Variants in AGBL1 observed in about 807,000 individuals in gnomAD.
The protein encoded by AGBL1 is AGBL carboxypeptidase 1.
Under a neutral mutation model 118.9 loss-of-function variants are expected in AGBL1, and 130 were observed. The observed-to-expected ratio is 1.09, with a 90% CI of 0.95 to 1.26. The LOEUF (loss-of-function observed/expected upper bound fraction) is 1.26, where lower values mean the gene tolerates loss of function less well. Ranked by LOEUF, AGBL1 falls within the 50% of genes most tolerant of loss-of-function variation. The pLI, the probability that AGBL1 is intolerant of heterozygous loss-of-function variation, is 0.00. For missense variants in AGBL1, 1,584 were observed against 1,298.1 expected (o/e 1.22, Z -3.38); for synonymous variants, 555 against 478.9 (o/e 1.16, Z -2.08).
At chr15:87,026,206 A>G (rs1047444355) in intron 24 of AGBL1, among the ~76,000 whole-genome samples, 15 of 152,108 alleles carry the variant, frequency 9.9e-5, no homozygotes, top group African/African-American at 3.6e-4. Flanking sequence ...AACAGTTAGC[A>G]GAGTAAACAG....
chr15:86,753,879 T>G (rs11636760), intron 22 of AGBL1, among the ~76,000 whole-genome samples: 120,249 of 152,006 alleles, frequency 0.79, 47,735 homozygotes, highest in Non-Finnish European at 0.82. Context: ...CCAGTGTCTT[T>G]TCAGGTTCCA....
chr15:86,598,796 A>G (rs2084447612), intron 21 of AGBL1, among the ~76,000 whole-genome samples: 1 of 152,164 alleles, frequency 6.6e-6, no homozygotes, highest in African/African-American at 2.4e-5. Context: ...TTAAATATAG[A>G]AATGCAACTT....
intron 22 of AGBL1, among the ~76,000 whole-genome samples, chr15:86,757,726 C>T (rs1450675152): frequency 6.6e-6 from 1 of 152,042 alleles, no homozygotes; most frequent in Non-Finnish European, 1.5e-5. Flanking sequence ...CTAGGAATTT[C>T]CTTTCTTTCC....
chr15:86,549,883 G>C (rs1231664081), intron 20 of AGBL1, among the ~76,000 whole-genome samples: 3 of 140,864 alleles, frequency 2.1e-5, no homozygotes, highest in Non-Finnish European at 3.1e-5. Flanking sequence ...GGGGAGGGGA[G>C]TGGAGGGAGG....
intron 3 of AGBL1, among the ~76,000 whole-genome samples, chr15:86,146,402 A>G (rs1227093075): frequency 3.3e-5 from 5 of 151,824 alleles, no homozygotes; most frequent in African/African-American, 1.2e-4. Context: ...CAAATACTAC[A>G]CCATTTTATA....
At chr15:86,946,370 T>TAAC (rs2080821262) in intron 23 of AGBL1, 1 of 150,558 alleles carries the variant, frequency 6.6e-6, no homozygotes, top group Non-Finnish European at 1.5e-5. Context: ...CTTAAGGATA[T>TAAC]AACATTTAGG....
At chr15:86,157,769 C>T (rs991928338) in intron 4 of AGBL1, among the ~76,000 whole-genome samples, 2 of 152,208 alleles carry the variant, frequency 1.3e-5, no homozygotes, top group African/African-American at 2.4e-5. Flanking sequence ...TGGCTGGAAC[C>T]CTAATGGGTC....
In AGBL1 at chr15:86,557,204, G is replaced by C. The variant is rs527248620; in HGVS notation, c.2994+2667G>C. Among the ~76,000 whole-genome samples the C allele has an allele frequency of 4.6e-5, 7 of 152,270 alleles. No homozygotes were observed. In the East Asian group the frequency reaches 9.7e-4, roughly 21 times the overall value. ...GAGATTTACTTTACCTATTAGGGAT[G>C]GGCCCAAAGCTATTGAGGCTGTTGA... On this transcript the variant is annotated intron_variant, in intron 21 of 22. Coordinates refer to ENST00000614907, the MANE Select transcript of AGBL1 (RefSeq NM_001386094.1).
intron 5 of AGBL1, among the ~76,000 whole-genome samples, chr15:86,181,036 A>G (rs1020912065): frequency 6.6e-6 from 1 of 152,146 alleles, no homozygotes; most frequent in Non-Finnish European, 1.5e-5. Flanking sequence ...GGCAAAGAAG[A>G]ACACCAACAC....
At chr15:86,384,127 T>C (rs183580075) in intron 17 of AGBL1, among the ~76,000 whole-genome samples, 3 of 152,258 alleles carry the variant, frequency 2.0e-5, no homozygotes, top group Admixed American at 2.0e-4. Context: ...GAGGTAGTGC[T>C]TAGGGCAGGA....
intron 22 of AGBL1, among the ~76,000 whole-genome samples, chr15:86,887,810 T>A (rs1033221752): frequency 6.6e-6 from 1 of 152,028 alleles, no homozygotes; most frequent in African/African-American, 2.4e-5. Context: ...ATTGAATTAG[T>A]ATAAATAGAG....
intron 15 of AGBL1, among the ~76,000 whole-genome samples, chr15:86,272,292 T>C (rs1246285236): frequency 6.6e-6 from 1 of 152,224 alleles, no homozygotes; most frequent in African/African-American, 2.4e-5. Context: ...GTCCATATAT[T>C]TTGATGAAAG....
At chr15:86,573,062 T>C (rs866969562) in intron 21 of AGBL1, among the ~76,000 whole-genome samples, 2 of 152,356 alleles carry the variant, frequency 1.3e-5, no homozygotes, top group Middle Eastern at 3.4e-3. Context: ...AGCCAATAAT[T>C]AGAGGTTTTT....
chr15:86,105,956 C>G (rs1897028383), intron 1 of AGBL1, among the ~76,000 whole-genome samples: 1 of 152,214 alleles, frequency 6.6e-6, no homozygotes, highest in Non-Finnish European at 1.5e-5. Flanking sequence ...GACCTGATAA[C>G]TCAGCCCTTT....
chr15:86,898,040 G>C (rs927792319), intron 22 of AGBL1, among the ~76,000 whole-genome samples: 1 of 151,924 alleles, frequency 6.6e-6, no homozygotes, highest in South Asian at 2.1e-4. Context: ...ACCGAGTGCT[G>C]GGACTACAGG....
intron 22 of AGBL1, among the ~76,000 whole-genome samples, chr15:86,788,290 T>G (rs1197636768): frequency 1.3e-5 from 2 of 152,210 alleles, no homozygotes; most frequent in African/African-American, 4.8e-5. Flanking sequence ...TGGTTGTTAT[T>G]TTATTTAGCA....
At chr15:86,690,923 ATTG>A (rs1338329615) in intron 22 of AGBL1, among the ~76,000 whole-genome samples, 1 of 152,282 alleles carries the variant, frequency 6.6e-6, no homozygotes, top group African/African-American at 2.4e-5. Context: ...TATGAATTCT[ATTG>A]TTCATAATTG....
chr15:86,799,616 A>T (rs2141346110), intron 22 of AGBL1, among the ~76,000 whole-genome samples: 2 of 152,254 alleles, frequency 1.3e-5, no homozygotes, highest in African/African-American at 4.8e-5. Context: ...TTCTTGCTCT[A>T]AGGATTCCCG....
chr15:86,828,244 G>C (rs903299901), intron 22 of AGBL1, among the ~76,000 whole-genome samples: 6 of 151,794 alleles, frequency 4.0e-5, no homozygotes, highest in African/African-American at 1.5e-4. Context: ...TGCTCAGCCT[G>C]TCGTACGACT....
Sources: allele counts gnomAD v4.1 joint callset (sites outside exome capture counted in the v4.1 genomes callset), GRCh38; gene constraint gnomAD v4.1.1; transcripts MANE v1.5; gene names NCBI Gene and HGNC (gene_info 2026-07-23, HGNC 2026-07-21).